CNTN4: variants seen among roughly 807,000 people sequenced by gnomAD.
The protein encoded by CNTN4 is contactin-4.
A neutral mutation model predicts 122.5 loss-of-function variants in CNTN4; 77 were observed. That is an observed-to-expected ratio of 0.63 (90% CI 0.52 to 0.76). The LOEUF (loss-of-function observed/expected upper bound fraction) is 0.76. CNTN4 is among the 30% of genes least tolerant of loss of function. The probability of loss-of-function intolerance (pLI) is 0.00; values close to 1 mark genes in which losing one functional copy is unlikely to be tolerated. For synonymous variants in CNTN4, 512 were observed against 447.0 expected, an observed-to-expected ratio of 1.15 and a Z score of -1.83; for missense variants, 1,256 against 1,259.1, an observed-to-expected ratio of 1.00 and a Z score of 0.04.
At chr3:2,355,832 G>C (rs1027371314) in intron 3 of CNTN4, among the ~76,000 whole-genome samples, 9 of 152,130 alleles carry the variant, frequency 5.9e-5, no homozygotes, top group African/African-American at 2.2e-4. Flanking sequence ...TGCATTCTTG[G>C]CAGAGAACCC....
intron 4 of CNTN4, among the ~76,000 whole-genome samples, chr3:2,643,900 T>G (rs1007803007): frequency 1.3e-5 from 2 of 152,106 alleles, no homozygotes; most frequent in African/African-American, 4.8e-5. Flanking sequence ...TTCCTCCCTT[T>G]CATTCAAATT....
chr3:2,422,166 A>G (rs13091098), intron 3 of CNTN4, among the ~76,000 whole-genome samples: 36,621 of 152,172 alleles, frequency 0.24, 5,612 homozygotes, highest in Non-Finnish European at 0.36. Context: ...CCACATCTAG[A>G]GCACTGCCCA....
At chr3:2,845,100 A>C (rs1432851467) in intron 7 of CNTN4, among the ~76,000 whole-genome samples, 1 of 152,190 alleles carries the variant, frequency 6.6e-6, no homozygotes, top group African/African-American at 2.4e-5. Flanking sequence ...TTCCGCAAAA[A>C]CTAGGTGCAA....
chr3:2,099,184 G>A (rs1261860451), intron 1 of CNTN4: 1 of 152,322 alleles, frequency 6.6e-6, no homozygotes, highest in Non-Finnish European at 1.5e-5. Flanking sequence ...TGCAGGGTCG[G>A]GGAGCGGGAG....
chr3:2,326,457 T>C (rs2043460232), intron 2 of CNTN4, among the ~76,000 whole-genome samples: 1 of 150,832 alleles, frequency 6.6e-6, no homozygotes, highest in Non-Finnish European at 1.5e-5. Flanking sequence ...CCTCCTTAAT[T>C]GTGTGAGCCA....
intron 12 of CNTN4, among the ~76,000 whole-genome samples, chr3:2,920,178 TG>T (rs1459468297): frequency 6.6e-6 from 1 of 151,464 alleles, no homozygotes; most frequent in East Asian, 1.9e-4. Context: ...GGTCACATAC[TG>T]TATGATTACA....
chr3:2,803,713 C>T (rs1210226143), intron 6 of CNTN4, among the ~76,000 whole-genome samples: 4 of 152,002 alleles, frequency 2.6e-5, no homozygotes, highest in Non-Finnish European at 5.9e-5. Flanking sequence ...GTGCCTGCCA[C>T]CACGCCTGGC....
At chr3:2,676,650 G>C (rs180997074) in intron 4 of CNTN4, among the ~76,000 whole-genome samples, 151 of 152,304 alleles carry the variant, frequency 9.9e-4, no homozygotes, top group African/African-American at 3.5e-3. Flanking sequence ...GTAGAAAATA[G>C]CAATTCTAGG....
At chr3:2,296,362 G>T (rs1024463832) in intron 2 of CNTN4, among the ~76,000 whole-genome samples, 5 of 152,104 alleles carry the variant, frequency 3.3e-5, no homozygotes, top group Non-Finnish European at 5.9e-5. Flanking sequence ...TTGAGCAGTG[G>T]TTTGTAGTTC....
chr3:2,443,531 G>C (rs532529069), intron 3 of CNTN4, among the ~76,000 whole-genome samples: 3 of 152,146 alleles, frequency 2.0e-5, no homozygotes, highest in African/African-American at 7.2e-5. Context: ...CTCTTGTAAC[G>C]TACATATTGA....
intron 2 of CNTN4, among the ~76,000 whole-genome samples, chr3:2,152,161 G>T (rs1381342344): frequency 6.6e-6 from 1 of 152,152 alleles, no homozygotes; most frequent in Non-Finnish European, 1.5e-5. Context: ...TGTCAGATGG[G>T]TATGTGGGAG....
intron 3 of CNTN4, among the ~76,000 whole-genome samples, chr3:2,543,828 A>G (rs934749276): frequency 6.6e-6 from 1 of 152,108 alleles, no homozygotes; most frequent in African/African-American, 2.4e-5. Context: ...AGTTGTTTTA[A>G]GTGCTGTTTT....
intron 2 of CNTN4, among the ~76,000 whole-genome samples, chr3:2,240,168 A>G (rs1227717266): frequency 1.3e-5 from 2 of 152,224 alleles, no homozygotes; most frequent in Non-Finnish European, 2.9e-5. Flanking sequence ...TTTAGTCTAG[A>G]TAGTAAGTCC....
At chr3:2,658,918 C>A (rs2083724952) in intron 4 of CNTN4, among the ~76,000 whole-genome samples, 1 of 150,890 alleles carries the variant, frequency 6.6e-6, no homozygotes, top group Non-Finnish European at 1.5e-5. Flanking sequence ...TACCTACTTG[C>A]ATTTTTTTAT....
At chr3:2,272,595 T>C (rs115043506) in intron 2 of CNTN4, among the ~76,000 whole-genome samples, 11 of 152,334 alleles carry the variant, frequency 7.2e-5, no homozygotes, top group African/African-American at 2.6e-4. Context: ...TCCAGTTGAA[T>C]TTTAAAATGA....
chr3:3,034,544 T>C, intron 16 of CNTN4, 88 bp from the exon 17 acceptor site: 1 of 1,321,138 alleles, frequency 7.6e-7, no homozygotes, highest in South Asian at 1.2e-5. Context: ...GATAAATGAA[T>C]GGGTCAATGC....
At chr3:2,671,739 T>C (rs987336596) in intron 4 of CNTN4, among the ~76,000 whole-genome samples, 2 of 152,142 alleles carry the variant, frequency 1.3e-5, no homozygotes, top group African/African-American at 4.8e-5. Flanking sequence ...CCTTTGGTCT[T>C]TGATGATGGT....
At chr3:2,657,170 T>C (rs2083628694) in intron 4 of CNTN4, among the ~76,000 whole-genome samples, 1 of 152,106 alleles carries the variant, frequency 6.6e-6, no homozygotes, top group South Asian at 2.1e-4. Flanking sequence ...ATTCTAAGGG[T>C]AGAAAGTGTC....
chr3:2,501,291 A>C (rs1422350343), intron 3 of CNTN4, among the ~76,000 whole-genome samples: 1 of 152,172 alleles, frequency 6.6e-6, no homozygotes, highest in Non-Finnish European at 1.5e-5. Context: ...GGAAGTGTAA[A>C]TTTGGGCTTT....
Sources: gnomAD v4.1 joint callset for allele counts (sites outside exome capture counted in the v4.1 genomes callset) on GRCh38, gnomAD v4.1.1 for gene constraint, MANE v1.5 for transcripts, NCBI Gene and HGNC (gene_info 2026-07-23, HGNC 2026-07-21) for gene names.